RHEB: variants seen among roughly 807,000 people sequenced by gnomAD.
RHEB encodes the protein GTP-binding protein Rheb.
Under a neutral mutation model 28.8 loss-of-function variants are expected in RHEB, and 2 were observed. The ratio of observed to expected loss-of-function variants is 0.07; its 90% confidence interval spans 0.03 to 0.22. The LOEUF (loss-of-function observed/expected upper bound fraction) is 0.22. RHEB is among the 10% of genes least tolerant of loss of function. RHEB has a pLI of 1.00. For missense variants in RHEB, 76 were observed against 219.9 expected (o/e 0.35, Z 4.14); for synonymous variants, 69 against 77.3 (o/e 0.89, Z 0.56).
rs1034679637 is a variant in RHEB, at chr7:151,486,122, G to A, written c.125-1318C>T. Among the ~76,000 whole-genome samples, 31 of 152,324 alleles carry A rather than the reference G, an allele frequency of 2.0e-4. 1 individual carries two copies. Among genetic ancestry groups the A allele is most frequent in the Admixed American group, 1.8e-3 (27 of 15,312 alleles). On this transcript the variant is annotated intron_variant, in intron 2 of 7. Transcript: ENST00000262187. The stretch of plus-strand genomic sequence containing the variant: ...CCGCTGGAGGTTTCAGTCCTTGTCA[G>A]CCAGGGTGCAGTCACTACATAGCTG...
chr7:151,507,115 T>C (rs1258478040), intron 1 of RHEB, among the ~76,000 whole-genome samples: 1 of 152,176 alleles, frequency 6.6e-6, no homozygotes, highest in Non-Finnish European at 1.5e-5. Flanking sequence ...AAAGCAGACT[T>C]GGTTTGTAAA....
chr7:151,516,540 T>C (rs1584871374), intron 1 of RHEB, among the ~76,000 whole-genome samples: 1 of 146,748 alleles, frequency 6.8e-6, no homozygotes, highest in African/African-American at 2.5e-5. Flanking sequence ...GGAGAATCGG[T>C]TGAACCTGGG....
At chr7:151,502,608 T>C in intron 1 of RHEB, 2 of 1,492,994 alleles carry the variant, frequency 1.3e-6, no homozygotes, top group Non-Finnish European at 1.9e-6. Context: ...TACTTTCAGA[T>C]GACAGCAAGT....
rs1174160090 is a variant in RHEB at position 151,472,616 on chromosome 7, T to C, written c.276-1011A>G. On this transcript the variant is annotated intron_variant, in intron 4 of 7. Transcript: ENST00000262187. The surrounding 1 kb of genome is among the most constrained non-coding windows in gnomAD (Gnocchi z 5.2). ...TCCTTTCCATTTCTTACCCCTTCCGTACTTTATTTTTCTTGGCAGCATGGT... is the reference window on the plus strand; with the variant it reads ...TCCTTTCCATTTCTTACCCCTTCCGCACTTTATTTTTCTTGGCAGCATGGT... 1.3e-5 allele frequency among the ~76,000 whole-genome samples: 2 copies of C among 152,182 alleles called. No individual in the cohort carries two copies. The highest frequency in any genetic ancestry group is 6.5e-5 in the Admixed American group (1 of 15,286).
chr7:151,502,814 A>C (rs568681961), intron 1 of RHEB: 1 of 1,285,282 alleles, frequency 7.8e-7, no homozygotes, highest in Admixed American at 1.7e-5. Context: ...TTCTGGGGAC[A>C]AAGTGAATGT....
chr7:151,506,634 T>G (rs1057216035), intron 1 of RHEB, among the ~76,000 whole-genome samples: 13 of 152,316 alleles, frequency 8.5e-5, no homozygotes, highest in African/African-American at 3.1e-4. Flanking sequence ...TTATATCTAA[T>G]AAATTAACCT....
chr7:151,505,795 T>C (rs1802862642), intron 1 of RHEB, among the ~76,000 whole-genome samples: 1 of 152,232 alleles, frequency 6.6e-6, no homozygotes, highest in South Asian at 2.1e-4. Flanking sequence ...GGTATATCCA[T>C]TCAACAGAAT....
intron 4 of RHEB, among the ~76,000 whole-genome samples, chr7:151,475,665 T>G (rs1584848893): frequency 6.6e-6 from 1 of 152,330 alleles, no homozygotes; most frequent in Non-Finnish European, 1.5e-5. Context: ...AAATACTAAG[T>G]ACACAGTGGT....
At chr7:151,496,206 C>A (rs1205117185) in intron 1 of RHEB, among the ~76,000 whole-genome samples, 1 of 152,194 alleles carries the variant, frequency 6.6e-6, no homozygotes, top group Non-Finnish European at 1.5e-5. Flanking sequence ...AGCCCACTGG[C>A]CTTTGCACCA....
rs150522105 is a variant in RHEB at position 151,479,509 on chromosome 7, C to T, written c.193-2094G>A. On this transcript the variant is annotated intron_variant, in intron 3 of 7. Coordinates refer to ENST00000262187, the MANE Select transcript of RHEB (RefSeq NM_005614.4). ...CATCCTGGCTAACACAGTGAAACCCCGTCTCCACTCAAAATACAAAAAAAC... is the reference window on the plus strand; with the variant it reads ...CATCCTGGCTAACACAGTGAAACCCTGTCTCCACTCAAAATACAAAAAAAC... 9.1e-4 allele frequency among the ~76,000 whole-genome samples: 139 copies of T among 152,016 alleles called. 1 individual carries two copies. Among genetic ancestry groups the T allele is most frequent in the African/African-American group, 3.3e-3 (135 of 41,488 alleles).
chr7:151,512,385 G>A (rs190851527), intron 1 of RHEB, among the ~76,000 whole-genome samples: 1 of 152,156 alleles, frequency 6.6e-6, no homozygotes, highest in Non-Finnish European at 1.5e-5. Flanking sequence ...CCTGATACTC[G>A]TATTTAAAAA....
intron 1 of RHEB, among the ~76,000 whole-genome samples, chr7:151,514,720 G>A (rs1803045681): frequency 6.6e-6 from 1 of 152,118 alleles, no homozygotes; most frequent in South Asian, 2.1e-4. Context: ...GTACAGGAAT[G>A]TTCAAAACAT....
chr7:151,512,786 T>A (rs1423961382), intron 1 of RHEB, among the ~76,000 whole-genome samples: 1 of 152,212 alleles, frequency 6.6e-6, no homozygotes, highest in Non-Finnish European at 1.5e-5. Flanking sequence ...TCTCAAAGGG[T>A]GGTCTGTGGA....
intron 1 of RHEB, chr7:151,502,587 TCTTA>T: frequency 7.7e-7 from 1 of 1,296,144 alleles, no homozygotes; most frequent in Non-Finnish European, 1.1e-6. Context: ...ATAAAGGGGC[TCTTA>T]CAGCACTACT....
intron 3 of RHEB, among the ~76,000 whole-genome samples, chr7:151,478,078 A>G (rs1319632364): frequency 6.6e-6 from 1 of 152,234 alleles, no homozygotes; most frequent in African/African-American, 2.4e-5. Flanking sequence ...ATTACGCAAC[A>G]GCACAGTAGT....
rs1802440812 is a variant in RHEB at position 151,484,895 on chromosome 7, G to A, written c.125-91C>T. The stretch of plus-strand genomic sequence containing the variant: ...ACAATGACAACCAATCAAGCACAGA[G>A]TCCCTAGCAGTCTCAGAGAAAGGCC... On this transcript the variant is annotated intron_variant, in intron 2 of 7. Transcript: ENST00000262187. 3 of 769,124 alleles carry A rather than the reference G, an allele frequency of 3.9e-6. No individual in the cohort carries two copies. In the South Asian group the frequency reaches 4.7e-5, roughly 12 times the overall value. The allele number at this position is 769,124 out of a possible 1,614,324, so 47.6% of individuals were successfully genotyped here. A position where few individuals can be genotyped will look rare whatever the true frequency, so the allele number is the denominator to read the frequency against.
intron 1 of RHEB, among the ~76,000 whole-genome samples, chr7:151,497,283 C>T (rs1802691017): frequency 6.6e-6 from 1 of 152,136 alleles, no homozygotes; most frequent in Non-Finnish European, 1.5e-5. Context: ...AGTGTGGGCC[C>T]AGCAGCTTAG....
chr7:151,473,568 A>T (rs1490557278), intron 4 of RHEB, among the ~76,000 whole-genome samples: 1 of 152,210 alleles, frequency 6.6e-6, no homozygotes, highest in African/African-American at 2.4e-5. Context: ...GTTGATTCGG[A>T]AAGTTTTACT....
chr7:151,492,550 G>A (rs1373681597), intron 1 of RHEB, among the ~76,000 whole-genome samples: 1 of 129,090 alleles, frequency 7.7e-6, no homozygotes, highest in Non-Finnish European at 1.8e-5. Context: ...CCAGGAGGCG[G>A]AGGTTGCAGT....
Sources: gnomAD v4.1 joint callset for allele counts (sites outside exome capture counted in the v4.1 genomes callset) on GRCh38, gnomAD v4.1.1 for gene constraint, Gnocchi (gnomAD v3.1) non-coding constraint, MANE v1.5 for transcripts, NCBI Gene and HGNC (gene_info 2026-07-23, HGNC 2026-07-21) for gene names.